Variants in SLC9A9 observed in about 807,000 individuals in gnomAD.
SLC9A9 encodes sodium/hydrogen exchanger 9.
Under a neutral mutation model 77.8 loss-of-function variants are expected in SLC9A9, and 62 were observed. The ratio of observed to expected loss-of-function variants is 0.80; its 90% confidence interval spans 0.65 to 0.98. The LOEUF is 0.98. Among genes scored for constraint, SLC9A9 ranks in the 50% least tolerant of loss-of-function variants. SLC9A9 has a pLI of 0.00. For synonymous variants in SLC9A9, 320 were observed against 283.5 expected (o/e 1.13, Z -1.29); for missense variants, 775 against 774.9 (o/e 1.00, Z 0.00).
chr3:143,484,189 T>C (rs1576528197), intron 11 of SLC9A9, among the ~76,000 whole-genome samples: 1 of 152,256 alleles, frequency 6.6e-6, no homozygotes, highest in East Asian at 1.9e-4. Context: ...GATGAAAAAA[T>C]ACTCTAGTCA....
chr3:143,816,675 A>G (rs768074737), intron 2 of SLC9A9, among the ~76,000 whole-genome samples: 17 of 152,080 alleles, frequency 1.1e-4, no homozygotes, highest in Non-Finnish European at 2.2e-4. Flanking sequence ...AGTGAAAAAT[A>G]CCTAGAAGTG....
intron 4 of SLC9A9, among the ~76,000 whole-genome samples, chr3:143,777,375 C>G (rs900300323): frequency 1.3e-5 from 2 of 152,032 alleles, no homozygotes; most frequent in African/African-American, 4.8e-5. Flanking sequence ...GAGTCAGAAT[C>G]CTTTTATGAA....
chr3:143,839,518 ACACACACAC>A (rs1262925947), intron 1 of SLC9A9, among the ~76,000 whole-genome samples: 2 of 151,852 alleles, frequency 1.3e-5, no homozygotes, highest in African/African-American at 4.8e-5. Context: ...ACACACACAC[ACACACACAC>A]ATCACAAGCG....
chr3:143,443,817 T>C (rs55864696), intron 12 of SLC9A9, among the ~76,000 whole-genome samples: 23,216 of 151,920 alleles, frequency 0.15, 1,827 homozygotes, highest in Admixed American at 0.18. Context: ...ATATTTTCCA[T>C]TTAACTCTAG....
chr3:143,281,513 G>A (rs769208628), intron 14 of SLC9A9, among the ~76,000 whole-genome samples: 25 of 152,162 alleles, frequency 1.6e-4, no homozygotes, highest in African/African-American at 3.4e-4. Context: ...CACAGAAGAC[G>A]GAGAGCACAT....
intron 12 of SLC9A9, among the ~76,000 whole-genome samples, chr3:143,382,658 A>G (rs192334649): frequency 2.0e-4 from 31 of 152,336 alleles, no homozygotes; most frequent in African/African-American, 7.2e-4. Flanking sequence ...CAAAATTGGG[A>G]GTGAAAGTGA....
chr3:143,434,091 A>G (rs1034167117), intron 12 of SLC9A9, among the ~76,000 whole-genome samples: 12 of 152,168 alleles, frequency 7.9e-5, no homozygotes, highest in African/African-American at 2.9e-4. Context: ...ACATAGTAGC[A>G]CTGTATAATA....
chr3:143,493,191 C>T (rs1445664721), intron 11 of SLC9A9, among the ~76,000 whole-genome samples: 2 of 152,134 alleles, frequency 1.3e-5, no homozygotes, highest in East Asian at 1.9e-4. Flanking sequence ...GTCTGATTTG[C>T]TTTTGTATTA....
chr3:143,480,017 T>G (rs560397556), intron 11 of SLC9A9, among the ~76,000 whole-genome samples: 2 of 152,356 alleles, frequency 1.3e-5, no homozygotes, highest in South Asian at 4.1e-4. Context: ...TAGTTTGGTT[T>G]TCAACACTGA....
intron 4 of SLC9A9, among the ~76,000 whole-genome samples, chr3:143,784,198 G>A (rs1196218742): frequency 6.6e-6 from 1 of 152,108 alleles, no homozygotes; most frequent in Non-Finnish European, 1.5e-5. Flanking sequence ...GCTGAGCAGG[G>A]GTCAAGTTTC....
rs1553794682 is a variant in SLC9A9 at position 143,795,298 on chromosome 3, A to AAC, written c.457-222_457-221insGT. ...AAGAAGCAGAAAAAAAAAAAAAAAA[A>AAC]AACCCACTGGAAGATGAGTAGGTAG... On this transcript the variant is annotated intron_variant, in intron 3 of 15. Transcript: ENST00000316549. 5.1e-4 allele frequency among the ~76,000 whole-genome samples: 72 copies of AAC among 140,278 alleles called. No individual in the cohort carries two copies. In the South Asian group the frequency reaches 0.01, roughly 20 times the overall value. The allele number at this position is 140,278 out of a possible 152,430, so 92.0% of individuals were successfully genotyped here. A position where few individuals can be genotyped will look rare whatever the true frequency, so the allele number is the denominator to read the frequency against.
chr3:143,633,445 A>C (rs2038461440), intron 6 of SLC9A9, among the ~76,000 whole-genome samples: 1 of 152,142 alleles, frequency 6.6e-6, no homozygotes, highest in African/African-American at 2.4e-5. Flanking sequence ...TTTAACTTAA[A>C]ATGTCTTAGA....
At chr3:143,326,023 C>G (rs963024198) in intron 14 of SLC9A9, among the ~76,000 whole-genome samples, 1 of 151,952 alleles carries the variant, frequency 6.6e-6, no homozygotes, top group Admixed American at 6.5e-5. Flanking sequence ...AAGTGCTCTG[C>G]GAAAACTTTA....
intron 14 of SLC9A9, chr3:143,343,271 G>A (rs905486237): frequency 6.6e-6 from 1 of 152,106 alleles, no homozygotes; most frequent in Non-Finnish European, 1.5e-5. Context: ...GTGTGTGAGT[G>A]TATGACAGGA....
rs561785175 is a variant in SLC9A9 at position 143,340,675 on chromosome 3, A to T, written c.1604+22809T>A. 2.6e-5 allele frequency among the ~76,000 whole-genome samples: 4 copies of T among 152,266 alleles called. No individual in the cohort carries two copies. In the South Asian group the frequency reaches 8.3e-4, roughly 32 times the overall value. On this transcript the variant is annotated intron_variant, in intron 14 of 15. Transcript: ENST00000316549. ...AACTCCTTATCCTATCTTAGATGCAATCATATTGAGTTTTTGCCCTTACCA... is the reference window on the plus strand; with the variant it reads ...AACTCCTTATCCTATCTTAGATGCATTCATATTGAGTTTTTGCCCTTACCA...
At chr3:143,518,257 G>C (rs1686609564) in intron 9 of SLC9A9, 1 of 1,549,906 alleles carries the variant, frequency 6.5e-7, no homozygotes, top group Admixed American at 1.7e-5. Context: ...CGAAGCTCAG[G>C]GGCTGCAGCC....
chr3:143,804,109 C>T (rs1313101578), intron 2 of SLC9A9, among the ~76,000 whole-genome samples: 3 of 152,210 alleles, frequency 2.0e-5, no homozygotes, highest in Admixed American at 1.3e-4. Context: ...TAACCTTTCA[C>T]CTTCTCGATG....
intron 5 of SLC9A9, among the ~76,000 whole-genome samples, chr3:143,670,698 T>A (rs1016546823): frequency 3.3e-5 from 5 of 152,168 alleles, no homozygotes; most frequent in Non-Finnish European, 7.4e-5. Flanking sequence ...GTACTCTGTG[T>A]TTACAAAGCT....
At chr3:143,683,645 T>C (rs1425422588) in intron 5 of SLC9A9, among the ~76,000 whole-genome samples, 1 of 152,142 alleles carries the variant, frequency 6.6e-6, no homozygotes, top group Non-Finnish European at 1.5e-5. Flanking sequence ...AAGAACCATG[T>C]CCTTCATCTT....
Sources: allele counts gnomAD v4.1 joint callset (sites outside exome capture counted in the v4.1 genomes callset), GRCh38; gene constraint gnomAD v4.1.1; transcripts MANE v1.5; gene names NCBI Gene and HGNC (gene_info 2026-07-23, HGNC 2026-07-21).